The following EMILIN2 variants were observed in gnomAD, a reference collection of about 807,000 sequenced individuals.
EMILIN2 encodes elastin microfibril interfacer 2.
In EMILIN2, 71 loss-of-function variants were observed where a neutral mutation model predicts 87.1. The observed-to-expected ratio is 0.82, with a 90% CI of 0.67 to 0.99. The LOEUF is 0.99. Ranked by LOEUF, EMILIN2 falls within the 50% of genes least tolerant of loss-of-function variation. EMILIN2 has a pLI of 0.00. For synonymous variants in EMILIN2, 581 were observed against 563.4 expected, an observed-to-expected ratio of 1.03 and a Z score of -0.44; for missense variants, 1,407 against 1,371.8, an observed-to-expected ratio of 1.03 and a Z score of -0.40.
In EMILIN2 at chr18:2,849,132, T is replaced by G. The variant is rs145494469; in HGVS notation, c.257+1201T>G. Among the ~76,000 whole-genome samples the G allele has an allele frequency of 2.7e-3, 407 of 152,338 alleles. 3 individuals carry two copies. The highest frequency in any genetic ancestry group is 4.4e-3 in the Non-Finnish European group (297 of 68,036). On this transcript the variant is annotated intron_variant, in intron 2 of 7. Coordinates refer to ENST00000254528, the MANE Select transcript of EMILIN2 (RefSeq NM_032048.3). ...TGAGTTGGATACATTGTCAGAGAGATAAGGTACTGTCATCCAACCTTAATC... is the reference window on the plus strand; with the variant it reads ...TGAGTTGGATACATTGTCAGAGAGAGAAGGTACTGTCATCCAACCTTAATC...
At chr18:2,873,093 G>T (rs1341321022) in intron 2 of EMILIN2, among the ~76,000 whole-genome samples, 1 of 151,828 alleles carries the variant, frequency 6.6e-6, no homozygotes, top group Non-Finnish European at 1.5e-5. Context: ...AAAGAAATGG[G>T]AAGCAAGCCA....
In EMILIN2 at chr18:2,913,393, T is replaced by C; in HGVS notation, c.3151T>C (p.Ser1051Pro). 1 of 1,597,860 alleles carries C rather than the reference T, an allele frequency of 6.3e-7. No individual in the cohort carries two copies. The highest frequency in any genetic ancestry group is 8.5e-7 in the Non-Finnish European group (1 of 1,172,404). Reference sequence around the variant, plus strand: ...TGGGGTTTTCTTATATCCTTTCCTTTCCCACCTCTAAGGTGGCTGGGGAGA... The same window carrying C: ...TGGGGTTTTCTTATATCCTTTCCTTCCCCACCTCTAAGGTGGCTGGGGAGA... ...FSGVFLYPFL[S>P]HL is the part of the protein sequence containing the mutation. Residue 1051 changes from serine (S) to proline (P), a missense_variant, in exon 8 of 8, where the codon TCC becomes CCC. Transcript: ENST00000254528.
At chr18:2,873,542 C>T (rs1342690095) in intron 2 of EMILIN2, among the ~76,000 whole-genome samples, 1 of 151,722 alleles carries the variant, frequency 6.6e-6, no homozygotes, top group Non-Finnish European at 1.5e-5. Context: ...CCCATCTCTA[C>T]TAAAAATACA....
At chr18:2,870,425 C>T (rs2076713781) in intron 2 of EMILIN2, among the ~76,000 whole-genome samples, 1 of 152,116 alleles carries the variant, frequency 6.6e-6, no homozygotes, top group Admixed American at 6.6e-5. Context: ...TATTTTTGTT[C>T]AAAGCCTACA....
Position 2,847,940 on chromosome 18 carries a change from T to C in EMILIN2, c.257+9T>C, listed in dbSNP as rs1274062400. On this transcript the variant is annotated intron_variant, in intron 2 of 7. Transcript: ENST00000254528. This position sits in a 1 kb window ranked among gnomAD's most constrained non-coding sequence, Gnocchi z 4.5. ...TGTCCGTCGGCGCTGGTGTAAGTCC[T>C]GGAGCCGGGGAGCGGGCGGGGCGCG... The C allele has an allele frequency of 1.3e-6, 2 of 1,557,720 alleles. No homozygotes were observed. The highest frequency in any genetic ancestry group is 1.7e-5 in the Admixed American group (1 of 57,786).
chr18:2,869,895 C>T (rs961297082), intron 2 of EMILIN2, among the ~76,000 whole-genome samples: 3 of 151,878 alleles, frequency 2.0e-5, no homozygotes, highest in African/African-American at 4.8e-5. Flanking sequence ...GGATACTTCT[C>T]GGAGTTTCTG....
At chr18:2,855,664 C>T (rs941647996) in intron 2 of EMILIN2, among the ~76,000 whole-genome samples, 3 of 152,146 alleles carry the variant, frequency 2.0e-5, no homozygotes, top group African/African-American at 4.8e-5. Context: ...GGGTGGCTGA[C>T]GTGCTTCGGA....
At chr18:2,902,790 A>T (rs554248157) in intron 4 of EMILIN2, among the ~76,000 whole-genome samples, 80 of 152,234 alleles carry the variant, frequency 5.3e-4, no homozygotes, top group Non-Finnish European at 9.3e-4. Context: ...AATATTTCCA[A>T]ATTAGAATCA....
chr18:2,867,851 C>A (rs972481945), intron 2 of EMILIN2, among the ~76,000 whole-genome samples: 3 of 152,260 alleles, frequency 2.0e-5, no homozygotes, highest in African/African-American at 7.2e-5. Flanking sequence ...GGCCCGTTCT[C>A]AATGAGCTGT....
intron 2 of EMILIN2, among the ~76,000 whole-genome samples, chr18:2,875,960 G>A (rs2076745173): frequency 3.3e-5 from 5 of 150,310 alleles, no homozygotes; most frequent in Non-Finnish European, 4.4e-5. Context: ...AAAATACTGA[G>A]AAGTGAAAAG....
intron 2 of EMILIN2, among the ~76,000 whole-genome samples, chr18:2,878,019 AGTG>A: frequency 6.6e-6 from 1 of 152,312 alleles, no homozygotes; most frequent in East Asian, 1.9e-4. Context: ...GAGAATGTAC[AGTG>A]GTGGTTTCCA....
In EMILIN2 at chr18:2,880,676, A is replaced by T. The variant is rs371058349; in HGVS notation, c.258-4288A>T. Reference sequence around the variant, plus strand: ...GGTCCCTCGGCTTGGCCACCCCCACACTGCAGTTAGTTGACTGATTCTGTA... The same window carrying T: ...GGTCCCTCGGCTTGGCCACCCCCACTCTGCAGTTAGTTGACTGATTCTGTA... On this transcript the variant is annotated intron_variant, in intron 2 of 7. Coordinates refer to ENST00000254528, the MANE Select transcript of EMILIN2 (RefSeq NM_032048.3). This position sits in a 1 kb window ranked among gnomAD's most constrained non-coding sequence, Gnocchi z 4.1. Among the ~76,000 whole-genome samples the T allele has an allele frequency of 2.0e-5, 3 of 152,156 alleles. No individual in the cohort carries two copies. In the East Asian group the frequency reaches 5.8e-4, roughly 29 times the overall value.
intron 2 of EMILIN2, among the ~76,000 whole-genome samples, chr18:2,856,519 C>T (rs905089403): frequency 6.6e-6 from 1 of 152,164 alleles, no homozygotes. Flanking sequence ...AGAAAAAAAT[C>T]CTCTTCCTCG....
At chr18:2,909,040 G>A (rs1484906094) in intron 6 of EMILIN2, 65 bp downstream of exon 6, 7 of 1,574,956 alleles carry the variant, frequency 4.4e-6, no homozygotes, top group Non-Finnish European at 6.1e-6. Flanking sequence ...CCCCTCCTCT[G>A]CATCTCCTGC....
intron 2 of EMILIN2, among the ~76,000 whole-genome samples, chr18:2,882,066 G>T (rs975967270): frequency 2.6e-5 from 4 of 152,204 alleles, no homozygotes; most frequent in African/African-American, 9.6e-5. Context: ...AGGAGGCTTG[G>T]GTTTAACGGC....
intron 2 of EMILIN2, among the ~76,000 whole-genome samples, chr18:2,881,159 G>A (rs972284817): frequency 6.6e-6 from 1 of 152,162 alleles, no homozygotes; most frequent in Non-Finnish European, 1.5e-5. Context: ...AACTGAGCCC[G>A]AGGGCTGACT....
Position 2,914,866 on chromosome 18 carries a change from C to T in EMILIN2, c.*1462C>T, listed in dbSNP as rs2076958653. ...CTATTTAAAATGTGGACCTCTTTGTCCAGGAGCGGGAGGGAGAATGGCATC... is the reference window on the plus strand; with the variant it reads ...CTATTTAAAATGTGGACCTCTTTGTTCAGGAGCGGGAGGGAGAATGGCATC... On this transcript the variant is annotated 3_prime_UTR_variant, in exon 8 of 8. Coordinates refer to ENST00000254528, the MANE Select transcript of EMILIN2 (RefSeq NM_032048.3). 6.6e-6 allele frequency: 1 copy of T among 152,190 alleles called. No individual in the cohort carries two copies. The highest frequency in any genetic ancestry group is 1.5e-5 in the Non-Finnish European group (1 of 68,048). The allele number at this position is 152,190 out of a possible 1,614,324, so 9.4% of individuals were successfully genotyped here.
intron 4 of EMILIN2, among the ~76,000 whole-genome samples, chr18:2,896,182 A>G (rs190821005): frequency 2.0e-5 from 3 of 152,094 alleles, no homozygotes; most frequent in Admixed American, 1.3e-4. Context: ...ATAAATATAT[A>G]TAATTGTTTT....
At chr18:2,858,668 C>T (rs1382982793) in intron 2 of EMILIN2, among the ~76,000 whole-genome samples, 1 of 148,504 alleles carries the variant, frequency 6.7e-6, no homozygotes, top group African/African-American at 2.5e-5. Flanking sequence ...GATTCTCACT[C>T]TGTTGCCCAG....
Sources: gnomAD v4.1 joint callset for allele counts (sites outside exome capture counted in the v4.1 genomes callset) on GRCh38, gnomAD v4.1.1 for gene constraint, Gnocchi (gnomAD v3.1) non-coding constraint, MANE v1.5 for transcripts, NCBI Gene and HGNC (gene_info 2026-07-23, HGNC 2026-07-21) for gene names.